The following COMMD7 variants were observed in gnomAD, a reference collection of about 807,000 sequenced individuals.
COMMD7 encodes COMM domain containing 7.
COMMD7 carries 28 observed loss-of-function variants against 34.8 expected under a neutral mutation model. The ratio of observed to expected loss-of-function variants is 0.80; its 90% CI spans 0.60 to 1.10. The LOEUF is 1.10. Among genes scored for constraint, COMMD7 ranks in the 50% least tolerant of loss-of-function variants. The pLI is 0.00. For missense variants in COMMD7, 211 were observed against 241.6 expected (o/e 0.87, Z 0.84); for synonymous variants, 80 against 86.4 (o/e 0.93, Z 0.41).
intron 3 of COMMD7, among the ~76,000 whole-genome samples, chr20:32,708,012 T>C (rs1315496335): frequency 6.6e-6 from 1 of 152,174 alleles, no homozygotes; most frequent in African/African-American, 2.4e-5. Context: ...TGGATGGCAT[T>C]GTCCTAAGAA....
chr20:32,732,924 A>C (rs1443901133), intron 1 of COMMD7, among the ~76,000 whole-genome samples: 1 of 151,772 alleles, frequency 6.6e-6, no homozygotes, highest in East Asian at 1.9e-4. Flanking sequence ...CGACAGAGTG[A>C]GATTCCATCT....
chr20:32,743,285 C>T (rs1215365623), intron 1 of COMMD7, 23 bp downstream of exon 1: 1 of 1,506,472 alleles, frequency 6.6e-7, no homozygotes, highest in South Asian at 1.2e-5. Flanking sequence ...GCCCCGCGCC[C>T]CACGCCCCGC....
chr20:32,703,917 C>T (rs1444096841), intron 8 of COMMD7, 106 bp downstream of exon 8: 1 of 1,583,738 alleles, frequency 6.3e-7, no homozygotes. Flanking sequence ...CCACAGCTGG[C>T]AATGACTGTT....
intron 5 of COMMD7, among the ~76,000 whole-genome samples, chr20:32,706,147 G>T (rs1309726743): frequency 1.3e-5 from 2 of 151,058 alleles, no homozygotes; most frequent in Admixed American, 1.3e-4. Context: ...GCAGTGAGCC[G>T]AGATTGTGCC....
At position 32,703,786 on chromosome 20, in the gene COMMD7, C is replaced by T. The variant is rs1417436419; in HGVS notation, c.526+237G>A. On this transcript the variant is annotated intron_variant, in intron 8 of 8. Coordinates refer to ENST00000278980, the MANE Select transcript of COMMD7 (RefSeq NM_053041.3). The stretch of plus-strand genomic sequence containing the variant: ...CCTTCTTCTTCAATCCCAGCCATTC[C>T]GTTCCCACCCTTTCCCTTTTTCAAA... 9.9e-6 allele frequency: 15 copies of T among 1,516,532 alleles called. No individual in the cohort carries two copies. The Admixed American group carries it at 2.1e-4, about 21-fold the overall frequency. 93.9% of individuals were successfully genotyped at this position (1,516,532 alleles called of 1,614,324 possible).
rs1255733828 is a variant in COMMD7, at chr20:32,733,735, A to G, written c.85-5593T>C. On this transcript the variant is annotated intron_variant, in intron 1 of 8. Coordinates refer to ENST00000278980, the MANE Select transcript of COMMD7 (RefSeq NM_053041.3). The stretch of plus-strand genomic sequence containing the variant: ...CCATCTCAAAAAAAAAAAAAAAAAA[A>G]TTAGCCAGGCGTGGTGGTGTGCGTC... Among the ~76,000 whole-genome samples the G allele has an allele frequency of 5.4e-5, 7 of 129,568 alleles. No homozygotes were observed. In the East Asian group the frequency reaches 6.5e-4, roughly 12 times the overall value. The allele number at this position is 129,568 out of a possible 152,430, so 85.0% of individuals were successfully genotyped here. A position where few individuals can be genotyped will look rare whatever the true frequency, so the allele number is the denominator to read the frequency against.
At chr20:32,706,884 C>T in intron 3 of COMMD7, 124 bp from the exon 4 acceptor site, 1 of 706,606 alleles carries the variant, frequency 1.4e-6, no homozygotes, top group South Asian at 1.6e-5. Context: ...TGGCCAGCTC[C>T]AAGATCTCAA....
At chr20:32,705,376 A>ATATATATATATATT (rs1335467096) in intron 5 of COMMD7, among the ~76,000 whole-genome samples, 1 of 125,460 alleles carries the variant, frequency 8.0e-6, no homozygotes, top group African/African-American at 3.4e-5. Context: ...ATATATATAT[A>ATATATATATATATT]TTTTTTTTTT....
chr20:32,726,305 G>A (rs374712942), intron 3 of COMMD7, among the ~76,000 whole-genome samples: 5 of 152,062 alleles, frequency 3.3e-5, no homozygotes, highest in East Asian at 3.9e-4. Flanking sequence ...GCTGAGGCAG[G>A]AGAATCACTT....
chr20:32,707,087 C>A (rs900040219), intron 3 of COMMD7, among the ~76,000 whole-genome samples: 2 of 141,918 alleles, frequency 1.4e-5, no homozygotes, highest in African/African-American at 5.2e-5. Flanking sequence ...TCCTGGCTAA[C>A]ATGGTGAAAC....
At chr20:32,706,210 AAAAG>A (rs929954458) in intron 5 of COMMD7, among the ~76,000 whole-genome samples, 54 of 151,716 alleles carry the variant, frequency 3.6e-4, no homozygotes, top group Middle Eastern at 3.4e-3. Context: ...AAAAAAAAAA[AAAAG>A]AAAGAAAGAA....
intron 5 of COMMD7, among the ~76,000 whole-genome samples, chr20:32,705,837 G>A (rs1984045721): frequency 6.6e-6 from 1 of 152,112 alleles, no homozygotes; most frequent in Non-Finnish European, 1.5e-5. Context: ...CTTAGGCTGG[G>A]GAAATGATGA....
In COMMD7 at chr20:32,706,758, CACCTGGGAG is replaced by C; in HGVS notation, c.242-7_243del. The C allele has an allele frequency of 1.2e-6, 2 of 1,613,636 alleles. No individual in the cohort carries two copies. Among genetic ancestry groups the C allele is most frequent in the Non-Finnish European group, 1.7e-6 (2 of 1,179,826 alleles). On this transcript the variant is annotated splice_acceptor_variant and splice_polypyrimidine_tract_variant and coding_sequence_variant and intron_variant, in exon 4 of 9. Transcript: ENST00000278980. LOFTEE classifies it high-confidence loss of function. Reference sequence around the variant, plus strand: ...TTGGCTGTGAGACTCTTCTTCAAAGCACCTGGGAGGCAGGGGAGAAATCAGTTAGAAAGG... The same window carrying C: ...TTGGCTGTGAGACTCTTCTTCAAAGCGCAGGGGAGAAATCAGTTAGAAAGG...
intron 1 of COMMD7, among the ~76,000 whole-genome samples, chr20:32,738,406 G>A (rs1986259578): frequency 6.6e-6 from 1 of 152,126 alleles, no homozygotes; most frequent in Admixed American, 6.6e-5. Context: ...AGCCAACATG[G>A]TGAAACCTCA....
intron 1 of COMMD7, among the ~76,000 whole-genome samples, chr20:32,737,325 G>A (rs904929485): frequency 1.5e-4 from 22 of 144,024 alleles, no homozygotes; most frequent in South Asian, 2.2e-4. Context: ...AGCCGAGATC[G>A]TGCCATTGCA....
At chr20:32,715,715 G>A (rs1008646558) in intron 3 of COMMD7, among the ~76,000 whole-genome samples, 3 of 152,152 alleles carry the variant, frequency 2.0e-5, no homozygotes, top group African/African-American at 4.8e-5. Flanking sequence ...GCTGAGGTCG[G>A]AGGCTTACTG....
chr20:32,720,803 A>G (rs1358382709), intron 3 of COMMD7, among the ~76,000 whole-genome samples: 1 of 152,162 alleles, frequency 6.6e-6, no homozygotes, highest in Non-Finnish European at 1.5e-5. Flanking sequence ...ATAAATACAT[A>G]AAAAGAAGGA....
chr20:32,719,767 G>C (rs929500666), intron 3 of COMMD7, among the ~76,000 whole-genome samples: 4 of 152,088 alleles, frequency 2.6e-5, no homozygotes, highest in African/African-American at 7.2e-5. Flanking sequence ...TGACATAAAG[G>C]AATAGGACTG....
chr20:32,741,075 G>A lies in COMMD7; in HGVS notation c.84+2233C>T, dbSNP rs531773010. On this transcript the variant is annotated intron_variant, in intron 1 of 8. Coordinates refer to ENST00000278980, the MANE Select transcript of COMMD7 (RefSeq NM_053041.3). ...AAAGAATCACTTGAGCCCAGGAGGT[G>A]AAGTTTGCAGTGAGCCAAGATCACG... Among the ~76,000 whole-genome samples, 30 of 151,506 alleles carry A rather than the reference G, an allele frequency of 2.0e-4. 1 individual carries two copies. In the East Asian group the frequency reaches 5.6e-3, roughly 28 times the overall value.
Sources: allele counts gnomAD v4.1 joint callset (sites outside exome capture counted in the v4.1 genomes callset), GRCh38; gene constraint gnomAD v4.1.1; transcripts MANE v1.5; gene names NCBI Gene and HGNC (gene_info 2026-07-23, HGNC 2026-07-21).